ESR1: variants seen among roughly 807,000 people sequenced by gnomAD.
ESR1 encodes the protein estrogen receptor 1.
Under a neutral mutation model 52.7 loss-of-function variants are expected in ESR1, and 12 were observed. The observed-to-expected ratio is 0.23, with a 90% CI of 0.15 to 0.37. The LOEUF (loss-of-function observed/expected upper bound fraction) is 0.37. ESR1 is among the 10% of genes least tolerant of loss of function. The pLI is 1.00. For synonymous variants in ESR1, 305 were observed against 316.8 expected (o/e 0.96, Z 0.39); for missense variants, 584 against 779.7 (o/e 0.75, Z 2.99).
intron 2 of ESR1, among the ~76,000 whole-genome samples, chr6:151,781,594 C>T (rs1181611486): frequency 6.6e-6 from 1 of 152,194 alleles, no homozygotes; most frequent in Admixed American, 6.5e-5. Flanking sequence ...AATGTTTGAT[C>T]CCCTACATCC....
In ESR1 at chr6:151,944,414, C is replaced by T. The variant is rs1743097620; in HGVS notation, c.1002C>T (p.Thr334=). 6.2e-7 allele frequency: 1 copy of T among 1,613,962 alleles called. No individual in the cohort carries two copies. Among genetic ancestry groups the T allele is most frequent in the African/African-American group, 1.3e-5 (1 of 74,922 alleles). ...PPILYSEYDP[T]RPFSEASMMG... Reference sequence around the variant, plus strand: ...TACTCTATTCCGAGTATGATCCTACCAGACCCTTCAGTGAAGCTTCGATGA... The same window carrying T: ...TACTCTATTCCGAGTATGATCCTACTAGACCCTTCAGTGAAGCTTCGATGA... The change falls in exon 4 of 8, where the codon ACC becomes ACT. Residue 334 remains threonine, a synonymous_variant. Transcript: ENST00000206249.
intron 3 of ESR1, among the ~76,000 whole-genome samples, chr6:151,920,631 T>C (rs936616710): frequency 6.6e-6 from 1 of 152,012 alleles, no homozygotes; most frequent in Non-Finnish European, 1.5e-5. Context: ...TTGTTTTTGA[T>C]ACCCCAGGTA....
At chr6:151,747,508 T>C (rs914112371) in intron 2 of ESR1, among the ~76,000 whole-genome samples, 8 of 152,202 alleles carry the variant, frequency 5.3e-5, no homozygotes, top group Non-Finnish European at 1.0e-4. Context: ...AGAATGGGTA[T>C]GAAGATCAGG....
chr6:151,663,217 G>T (rs1006138216), intron 1 of ESR1, among the ~76,000 whole-genome samples: 16 of 152,348 alleles, frequency 1.1e-4, no homozygotes, highest in African/African-American at 3.4e-4. Context: ...CTCCACTACA[G>T]TAAGGAGGTG....
rs140559160 is a variant in ESR1, at chr6:152,005,976, C to T, written c.1097-5680C>T. Among the ~76,000 whole-genome samples, 764 of 152,062 alleles carry T rather than the reference C, an allele frequency of 5.0e-3. 9 individuals carry two copies. Among genetic ancestry groups the T allele is most frequent in the African/African-American group, 0.018 (733 of 41,488 alleles). The stretch of plus-strand genomic sequence containing the variant: ...AGGTGGTTATTTAGTGTGGCAGCTG[C>T]ATAAGAGCATTGGATAGGTGGTATG... On this transcript the variant is annotated intron_variant, in intron 4 of 7. Coordinates refer to ENST00000206249, the MANE Select transcript of ESR1 (RefSeq NM_000125.4).
intron 2 of ESR1, among the ~76,000 whole-genome samples, chr6:151,786,592 A>G (rs1189825601): frequency 6.6e-6 from 1 of 152,182 alleles, no homozygotes; most frequent in Non-Finnish European, 1.5e-5. Flanking sequence ...GGCTTTAGAC[A>G]AGGGTAAAAA....
At chr6:152,044,927 C>T (rs544993624) in intron 5 of ESR1, among the ~76,000 whole-genome samples, 1 of 152,328 alleles carries the variant, frequency 6.6e-6, no homozygotes, top group South Asian at 2.1e-4. Context: ...TCAGTATTAA[C>T]CATCACCCTA....
At chr6:151,791,039 AT>A (rs1475494753) in intron 2 of ESR1, among the ~76,000 whole-genome samples, 5 of 152,174 alleles carry the variant, frequency 3.3e-5, no homozygotes, top group Non-Finnish European at 1.5e-5. Flanking sequence ...GAGTAGAATC[AT>A]TGCATCTGGT....
intron 4 of ESR1, among the ~76,000 whole-genome samples, chr6:152,000,969 CTT>C (rs1481509473): frequency 1.1e-4 from 16 of 151,956 alleles, no homozygotes; most frequent in Admixed American, 1.1e-3. Context: ...TACGGTTACT[CTT>C]TATCTTTATT....
chr6:151,783,824 C>A (rs1329279944), intron 2 of ESR1, among the ~76,000 whole-genome samples: 1 of 152,156 alleles, frequency 6.6e-6, no homozygotes, highest in East Asian at 1.9e-4. Flanking sequence ...TACCACATTA[C>A]ATTCTGTTGC....
At chr6:151,856,124 T>C (rs895551947) in intron 2 of ESR1, among the ~76,000 whole-genome samples, 1 of 152,200 alleles carries the variant, frequency 6.6e-6, no homozygotes, top group Admixed American at 6.6e-5. Flanking sequence ...TTCTAGGATG[T>C]GAGTGATGTA....
At chr6:151,930,995 T>C (rs970257911) in intron 3 of ESR1, among the ~76,000 whole-genome samples, 8 of 152,164 alleles carry the variant, frequency 5.3e-5, no homozygotes, top group South Asian at 2.1e-4. Flanking sequence ...GAATACAATA[T>C]GCCTAGGTGT....
At chr6:151,897,760 A>G (rs1795778752) in intron 3 of ESR1, among the ~76,000 whole-genome samples, 1 of 151,910 alleles carries the variant, frequency 6.6e-6, no homozygotes, top group Non-Finnish European at 1.5e-5. Context: ...TTTTTTTAGT[A>G]GTATTTTTGT....
At chr6:152,018,323 T>A (rs189371853) in intron 5 of ESR1, among the ~76,000 whole-genome samples, 1,908 of 147,392 alleles carry the variant, frequency 0.013, 19 homozygotes, top group Middle Eastern at 0.049. Context: ...AAAAAAAAAA[T>A]GCCCAAAAAT....
chr6:152,020,652 C>T (rs1178976403), intron 5 of ESR1, among the ~76,000 whole-genome samples: 6 of 151,896 alleles, frequency 4.0e-5, no homozygotes, highest in African/African-American at 1.2e-4. Flanking sequence ...GGTTTTGCCA[C>T]GTTGGCCAGG....
At chr6:151,990,207 G>A (rs2040876819) in intron 4 of ESR1, among the ~76,000 whole-genome samples, 2 of 151,848 alleles carry the variant, frequency 1.3e-5, no homozygotes, top group Admixed American at 6.6e-5. Flanking sequence ...TTTTTTGCTT[G>A]TTTAATTTTT....
intron 6 of ESR1, among the ~76,000 whole-genome samples, chr6:152,073,528 G>A (rs9478275): frequency 3.3e-3 from 505 of 152,272 alleles, no homozygotes; most frequent in Middle Eastern, 0.014. Flanking sequence ...ATGCCAGTTC[G>A]CTGCCACTTC....
chr6:151,690,921 C>G (rs1778888226), intron 1 of ESR1, among the ~76,000 whole-genome samples: 1 of 152,148 alleles, frequency 6.6e-6, no homozygotes, highest in African/African-American at 2.4e-5. Flanking sequence ...ATCCGACTAC[C>G]CTTTTCTTAG....
chr6:151,956,701 T>A (rs1221557237), intron 4 of ESR1, among the ~76,000 whole-genome samples: 1 of 151,636 alleles, frequency 6.6e-6, no homozygotes, highest in East Asian at 1.9e-4. Context: ...AAGAGTTGTA[T>A]CATTTTATCA....
Sources: gnomAD v4.1 joint callset for allele counts (sites outside exome capture counted in the v4.1 genomes callset) on GRCh38, gnomAD v4.1.1 for gene constraint, MANE v1.5 for transcripts, NCBI Gene and HGNC (gene_info 2026-07-23, HGNC 2026-07-21) for gene names.